Variants in KAZN observed in about 807,000 individuals in gnomAD.
KAZN encodes kazrin.
A neutral mutation model predicts 87.4 loss-of-function variants in KAZN; 40 were observed. The observed-to-expected ratio is 0.46, with a 90% CI of 0.36 to 0.60. The LOEUF (loss-of-function observed/expected upper bound fraction) is 0.60, where lower values mean the gene tolerates loss of function less well. Ranked by LOEUF, KAZN falls within the 20% of genes least tolerant of loss-of-function variation. KAZN has a pLI of 0.00. For synonymous variants in KAZN, 466 were observed against 458.3 expected (o/e 1.02, Z -0.22); for missense variants, 898 against 1,073.9 (o/e 0.84, Z 2.29).
chr1:13,960,251 A>G (rs1334082396), intron 1 of KAZN, among the ~76,000 whole-genome samples: 5 of 152,170 alleles, frequency 3.3e-5, no homozygotes, highest in Non-Finnish European at 7.4e-5. Flanking sequence ...AAATCCCTAC[A>G]AGGACGGCAC....
At chr1:14,623,312 T>G (rs1678859510) in intron 1 of KAZN, among the ~76,000 whole-genome samples, 1 of 152,212 alleles carries the variant, frequency 6.6e-6, no homozygotes, top group Non-Finnish European at 1.5e-5. Flanking sequence ...GATCATATCC[T>G]TTGCAGCCAC....
chr1:14,408,057 G>A (rs1430368179), intron 2 of KAZN, among the ~76,000 whole-genome samples: 1 of 152,154 alleles, frequency 6.6e-6, no homozygotes, highest in East Asian at 1.9e-4. Context: ...GATTCACCAG[G>A]GGGCTGCCCC....
chr1:14,844,884 G>T (rs1199201374), intron 1 of KAZN, among the ~76,000 whole-genome samples: 1 of 152,038 alleles, frequency 6.6e-6, no homozygotes, highest in African/African-American at 2.4e-5. Context: ...GTGAATGGGT[G>T]CATAGGTGGA....
At position 13,920,747 on chromosome 1, in the gene KAZN, G is replaced by A. The variant is rs559482450; in HGVS notation, c.91+26991G>A. 7.2e-5 allele frequency among the ~76,000 whole-genome samples: 11 copies of A among 152,220 alleles called. No homozygotes were observed. In the East Asian group the frequency reaches 7.7e-4, roughly 11 times the overall value. ...TTGGAGGGGAGGTTATCATGGGGCT[G>A]TCATGTTTCTGGTCAGAGGGGAGTT... On this transcript the variant is annotated intron_variant, in intron 1 of 16. Coordinates refer to the KAZN transcript ENST00000636203.
intron 1 of KAZN, among the ~76,000 whole-genome samples, chr1:14,613,933 C>T (rs1454014135): frequency 2.0e-5 from 3 of 152,202 alleles, no homozygotes; most frequent in Non-Finnish European, 4.4e-5. Flanking sequence ...TGTGACACAA[C>T]TGATTAACCT....
intron 1 of KAZN, among the ~76,000 whole-genome samples, chr1:14,174,134 G>C (rs767915102): frequency 7.9e-5 from 12 of 152,190 alleles, no homozygotes; most frequent in Non-Finnish European, 1.6e-4. Flanking sequence ...GGTACACACT[G>C]AATAGACAAA....
intron 1 of KAZN, among the ~76,000 whole-genome samples, chr1:14,886,463 C>G (rs10927565): frequency 0.25 from 33,445 of 135,876 alleles, 4,526 homozygotes; most frequent in East Asian, 0.61. Context: ...CACACACACA[C>G]AGAGAGAGAC....
chr1:14,603,721 CCT>C (rs759102099), intron 1 of KAZN, among the ~76,000 whole-genome samples: 1 of 152,158 alleles, frequency 6.6e-6, no homozygotes, highest in East Asian at 1.9e-4. Flanking sequence ...CATGATAGGC[CCT>C]CTCTCCATCC....
At chr1:14,940,171 G>A (rs922513249) in intron 1 of KAZN, among the ~76,000 whole-genome samples, 4 of 152,160 alleles carry the variant, frequency 2.6e-5, no homozygotes, top group Non-Finnish European at 5.9e-5. Flanking sequence ...CAGGGCCTGT[G>A]GGAAAGTAGC....
At chr1:14,813,489 T>G (rs1646473303) in intron 1 of KAZN, among the ~76,000 whole-genome samples, 1 of 152,204 alleles carries the variant, frequency 6.6e-6, no homozygotes, top group Admixed American at 6.5e-5. Context: ...GCCAGCCATG[T>G]GAGTGAGTCA....
intron 1 of KAZN, among the ~76,000 whole-genome samples, chr1:14,957,558 T>C (rs1232727077): frequency 6.6e-6 from 1 of 152,212 alleles, no homozygotes; most frequent in East Asian, 1.9e-4. Context: ...TCCACGTCAC[T>C]ACGGGGTTTT....
intron 1 of KAZN, among the ~76,000 whole-genome samples, chr1:14,164,060 T>C (rs1645767669): frequency 6.6e-6 from 1 of 152,232 alleles, no homozygotes; most frequent in Non-Finnish European, 1.5e-5. Context: ...TTTTTAGTGT[T>C]TTTTGTTATG....
Position 14,920,727 on chromosome 1 carries a change from G to A in KAZN, c.227-39957G>A, listed in dbSNP as rs138944749. ...CCAAGCTCGGGGCCCTTCTGAGCAC[G>A]GGGCCCAGTGTGACCACACAGGTCA... On this transcript the variant is annotated intron_variant, in intron 1 of 14. Transcript: ENST00000376030. Among the ~76,000 whole-genome samples the A allele has an allele frequency of 5.4e-4, 82 of 152,262 alleles. 1 individual carries two copies. The East Asian group carries it at 0.016, about 29-fold the overall frequency.
At chr1:13,923,282 T>C (rs1640131974) in intron 1 of KAZN, among the ~76,000 whole-genome samples, 1 of 152,068 alleles carries the variant, frequency 6.6e-6, no homozygotes, top group Admixed American at 6.5e-5. Context: ...AAAGAAAATA[T>C]AATTACCATG....
chr1:14,335,031 G>A (rs867637750), intron 2 of KAZN, among the ~76,000 whole-genome samples: 3 of 151,992 alleles, frequency 2.0e-5, no homozygotes, highest in Non-Finnish European at 4.4e-5. Context: ...ATGTTGAAAC[G>A]TGATCCCCAG....
intron 2 of KAZN, among the ~76,000 whole-genome samples, chr1:14,966,033 G>T (rs1425411122): frequency 1.5e-5 from 2 of 135,896 alleles, no homozygotes; most frequent in Non-Finnish European, 1.5e-5. Context: ...AGGCTTGAGT[G>T]CAGGGGCGTG....
intron 8 of KAZN, among the ~76,000 whole-genome samples, chr1:15,070,119 C>T (rs1639440810): frequency 6.6e-6 from 1 of 152,114 alleles, no homozygotes; most frequent in Admixed American, 6.6e-5. Context: ...GAGTTTGTGC[C>T]CTGAACCACT....
chr1:15,016,290 T>C (rs1023051094), intron 2 of KAZN, among the ~76,000 whole-genome samples: 1 of 152,108 alleles, frequency 6.6e-6, no homozygotes, highest in African/African-American at 2.4e-5. Context: ...CAGAGAAGGC[T>C]TTTTTGTTTT....
chr1:14,728,282 GTA>G (rs200375101), intron 1 of KAZN, among the ~76,000 whole-genome samples: 1,407 of 95,668 alleles, frequency 0.015, 256 homozygotes, highest in Middle Eastern at 0.053. Context: ...GTGAAACACC[GTA>G]TATATAAAAA....
Sources: gnomAD v4.1 joint callset for allele counts (sites outside exome capture counted in the v4.1 genomes callset) on GRCh38, gnomAD v4.1.1 for gene constraint, MANE v1.5 for transcripts, NCBI Gene and HGNC (gene_info 2026-07-23, HGNC 2026-07-21) for gene names.